Variants in ZSWIM6 observed in about 807,000 individuals in gnomAD.
ZSWIM6 encodes the protein zinc finger SWIM domain-containing protein 6.
A neutral mutation model predicts 113.2 loss-of-function variants in ZSWIM6; 9 were observed. The ratio of observed to expected loss-of-function variants is 0.08; its 90% confidence interval spans 0.05 to 0.14. ZSWIM6 has a LOEUF of 0.14. Among genes scored for constraint, ZSWIM6 ranks in the 10% least tolerant of loss-of-function variants. The pLI is 1.00. For missense variants in ZSWIM6, 1,162 were observed against 1,552.2 expected, an observed-to-expected ratio of 0.75 and a Z score of 4.22; for synonymous variants, 611 against 606.5, an observed-to-expected ratio of 1.01 and a Z score of -0.11.
intron 1 of ZSWIM6, among the ~76,000 whole-genome samples, chr5:61,339,964 T>C (rs1033337826): frequency 6.6e-6 from 1 of 152,234 alleles, no homozygotes; most frequent in Non-Finnish European, 1.5e-5. Flanking sequence ...AAAGTGTTAC[T>C]GAGTCTTGTC....
intron 1 of ZSWIM6, among the ~76,000 whole-genome samples, chr5:61,415,005 A>G (rs1031770754): frequency 6.6e-6 from 1 of 152,218 alleles, no homozygotes; most frequent in Non-Finnish European, 1.5e-5. Context: ...AGATGAGGAA[A>G]CTGGATTGCG....
chr5:61,333,750 C>T (rs1300033572), intron 1 of ZSWIM6, among the ~76,000 whole-genome samples: 3 of 152,138 alleles, frequency 2.0e-5, no homozygotes, highest in Non-Finnish European at 2.9e-5. Context: ...TAGCGCTTCC[C>T]TTTTCTCTGA....
Position 61,332,595 on chromosome 5 carries a change from G to A in ZSWIM6, c.323G>A (p.Arg108His), listed in dbSNP as rs1478010760. ...CGCATCCCGGAGCCGGTGCAGCGCCGCATAGTCTATTGGTCCTTCCCCCGC... is the reference window on the plus strand; with the variant it reads ...CGCATCCCGGAGCCGGTGCAGCGCCACATAGTCTATTGGTCCTTCCCCCGC... ...FERIPEPVQR[R>H]IVYWSFPRSE... is the part of the protein sequence containing the mutation. The change falls in exon 1 of 14, where the codon CGC (arginine) becomes CAC (histidine). Residue 108 changes from arginine to histidine, a missense_variant. By Grantham distance (29) the Arg-to-His change is conservative. Around this residue, in one of 4 missense-constraint regions of ZSWIM6, gnomAD observed 333 missense variants for 293.4 expected, o/e 1.13. Coordinates refer to ENST00000252744, the MANE Select transcript of ZSWIM6 (RefSeq NM_020928.2). 4.5e-6 allele frequency: 6 copies of A among 1,334,042 alleles called. No individual in the cohort carries two copies. Among genetic ancestry groups the A allele is most frequent in the East Asian group, 4.3e-5 (1 of 23,024 alleles). 82.6% of individuals were successfully genotyped at this position (1,334,042 alleles called of 1,614,324 possible). A position where few individuals can be genotyped will look rare whatever the true frequency, so the allele number is the denominator to read the frequency against.
chr5:61,440,608 T>C (rs1040291594), intron 1 of ZSWIM6, among the ~76,000 whole-genome samples: 6 of 152,196 alleles, frequency 3.9e-5, no homozygotes, highest in African/African-American at 9.7e-5. Context: ...AAATAAACCT[T>C]GCTTTTAAAA....
intron 1 of ZSWIM6, among the ~76,000 whole-genome samples, chr5:61,468,618 C>G (rs940484067): frequency 6.6e-6 from 1 of 152,104 alleles, no homozygotes; most frequent in African/African-American, 2.4e-5. Flanking sequence ...AAGGCAAAAT[C>G]AATTCTCAGG....
chr5:61,452,778 GCATTTCCACTA>G (rs1470569561), intron 1 of ZSWIM6, among the ~76,000 whole-genome samples: 3 of 152,080 alleles, frequency 2.0e-5, no homozygotes, highest in African/African-American at 7.2e-5. Context: ...GATTTCCCCA[GCATTTCCACTA>G]ATATCCTTTT....
chr5:61,491,386 G>A (rs984655940), intron 3 of ZSWIM6, among the ~76,000 whole-genome samples: 12 of 152,002 alleles, frequency 7.9e-5, no homozygotes, highest in African/African-American at 2.7e-4. Context: ...ATAGATCTCA[G>A]TTTGAATCCA....
chr5:61,333,409 C>A (rs75989234), intron 1 of ZSWIM6, among the ~76,000 whole-genome samples: 13 of 151,948 alleles, frequency 8.6e-5, no homozygotes, highest in African/African-American at 2.4e-4. Flanking sequence ...GGCGCTCCCC[C>A]CCTCTCCCAC....
intron 1 of ZSWIM6, among the ~76,000 whole-genome samples, chr5:61,373,891 AATT>A (rs1479520736): frequency 2.6e-5 from 4 of 152,200 alleles, no homozygotes; most frequent in Non-Finnish European, 5.9e-5. Context: ...TTGCTTGTAA[AATT>A]ATTCTTCATT....
intron 1 of ZSWIM6, chr5:61,375,836 C>T (rs1294933854): frequency 1.0e-6 from 1 of 973,474 alleles, no homozygotes. Flanking sequence ...GCTGCTAGTT[C>T]AAGTCCTGAC....
chr5:61,482,925 G>A (rs999577633), intron 2 of ZSWIM6, among the ~76,000 whole-genome samples: 1 of 150,592 alleles, frequency 6.6e-6, no homozygotes, highest in Non-Finnish European at 1.5e-5. Context: ...TTTCTCCAGT[G>A]CATTTCCCTC....
intron 4 of ZSWIM6, among the ~76,000 whole-genome samples, chr5:61,512,825 G>A (rs1298229352): frequency 6.6e-6 from 1 of 152,012 alleles, no homozygotes. Context: ...AAAATGGACT[G>A]TGTGTTTTAA....
chr5:61,489,429 A>G (rs140363097), intron 2 of ZSWIM6, among the ~76,000 whole-genome samples: 6 of 152,118 alleles, frequency 3.9e-5, no homozygotes, highest in East Asian at 1.9e-4. Flanking sequence ...GAGTTTTTCA[A>G]TTAGTGGGTG....
intron 7 of ZSWIM6, among the ~76,000 whole-genome samples, chr5:61,528,038 A>T (rs1749332399): frequency 6.6e-6 from 1 of 152,078 alleles, no homozygotes; most frequent in Admixed American, 6.5e-5. Context: ...GAAAACTTTT[A>T]TTTCCAACCA....
intron 1 of ZSWIM6, among the ~76,000 whole-genome samples, chr5:61,434,468 C>T (rs1746659842): frequency 6.7e-6 from 1 of 149,456 alleles, no homozygotes; most frequent in Admixed American, 6.7e-5. Context: ...CCCCACGAGT[C>T]CTCAAAGTCC....
chr5:61,360,075 G>A (rs1364385932), intron 1 of ZSWIM6, among the ~76,000 whole-genome samples: 1 of 152,112 alleles, frequency 6.6e-6, no homozygotes. Context: ...AGAAGAGGAT[G>A]TTATCAAGTG....
intron 4 of ZSWIM6, among the ~76,000 whole-genome samples, chr5:61,506,012 C>T (rs1748609296): frequency 1.3e-5 from 2 of 151,900 alleles, no homozygotes; most frequent in African/African-American, 2.4e-5. Context: ...TCCCAAAGTG[C>T]TGGGATTACA....
At chr5:61,435,385 CT>C (rs1373144102) in intron 1 of ZSWIM6, among the ~76,000 whole-genome samples, 2 of 152,146 alleles carry the variant, frequency 1.3e-5, no homozygotes, top group African/African-American at 4.8e-5. Flanking sequence ...GGTAGTAATA[CT>C]TTAAAAAGTT....
intron 1 of ZSWIM6, among the ~76,000 whole-genome samples, chr5:61,452,164 A>G (rs1747098540): frequency 6.6e-6 from 1 of 152,056 alleles, no homozygotes; most frequent in African/African-American, 2.4e-5. Flanking sequence ...TTTCCCACTG[A>G]GTGTCCTGTT....
Sources: allele counts gnomAD v4.1 joint callset (sites outside exome capture counted in the v4.1 genomes callset), GRCh38; gene constraint gnomAD v4.1.1; regional missense constraint gnomAD v4.1.1; transcripts MANE v1.5; gene names NCBI Gene and HGNC (gene_info 2026-07-23, HGNC 2026-07-21).